SNRPB: variants seen among roughly 807,000 people sequenced by gnomAD.
SNRPB encodes small nuclear ribonucleoprotein polypeptides B and B1, also known as small nuclear ribonucleoprotein-associated proteins B and B'.
In SNRPB, 5 loss-of-function variants were observed where a neutral mutation model predicts 26.6. That is an observed-to-expected ratio of 0.19 (90% CI 0.10 to 0.39). The LOEUF (loss-of-function observed/expected upper bound fraction) is 0.39. Ranked by LOEUF, SNRPB falls within the 10% of genes least tolerant of loss-of-function variation. The pLI, the probability that SNRPB is intolerant of heterozygous loss-of-function variation, is 1.00. For missense variants in SNRPB, 211 were observed against 311.9 expected, an observed-to-expected ratio of 0.68 and a Z score of 2.44; for synonymous variants, 122 against 105.8, an observed-to-expected ratio of 1.15 and a Z score of -0.94.
In SNRPB at chr20:2,470,742, C is replaced by G. The variant is rs747222675; in HGVS notation, c.-52G>C. 1 of 1,598,384 alleles carries G rather than the reference C, an allele frequency of 6.3e-7. No homozygotes were observed. The highest frequency in any genetic ancestry group is 8.5e-7 in the Non-Finnish European group (1 of 1,172,336). On this transcript the variant is annotated 5_prime_UTR_variant, in exon 1 of 7. Transcript: ENST00000381342. ...CCGCCGGATTCGCCTCCTCAGAGGC[C>G]TAGCCTCTCTCCCACAGCCGATTTC... is the stretch of plus-strand genomic sequence containing the variant.
chr20:2,467,887 TC>T, intron 1 of SNRPB, 129 bp from the exon 2 acceptor site: 1 of 835,802 alleles, frequency 1.2e-6, no homozygotes, highest in Non-Finnish European at 1.9e-6. Flanking sequence ...TAGCTCAGTC[TC>T]CCACCCACAG....
chr20:2,468,743 T>C (rs1288292167), intron 1 of SNRPB, among the ~76,000 whole-genome samples: 1 of 152,188 alleles, frequency 6.6e-6, no homozygotes, highest in Non-Finnish European at 1.5e-5. Context: ...CTGGCTAACA[T>C]GGCGAAGCCC....
At chr20:2,469,486 G>C (rs1194080499) in intron 1 of SNRPB, among the ~76,000 whole-genome samples, 2 of 152,180 alleles carry the variant, frequency 1.3e-5, no homozygotes, top group Admixed American at 6.5e-5. Flanking sequence ...GAGGTCAGGA[G>C]TTCGAGACCA....
chr20:2,469,561 C>T (rs1347081669), intron 1 of SNRPB, among the ~76,000 whole-genome samples: 2 of 152,068 alleles, frequency 1.3e-5, no homozygotes, highest in African/African-American at 2.4e-5. Context: ...AGTGTGGTGG[C>T]GGGTACCTAC....
At chr20:2,467,458 C>A in intron 2 of SNRPB, 149 bp downstream of exon 2, 1 of 706,060 alleles carries the variant, frequency 1.4e-6, no homozygotes, top group East Asian at 2.7e-5. Context: ...GATTTCTTAG[C>A]GTTCAATGTC....
At chr20:2,466,383 C>A (rs1231565383) in intron 2 of SNRPB, among the ~76,000 whole-genome samples, 1 of 152,040 alleles carries the variant, frequency 6.6e-6, no homozygotes, top group Non-Finnish European at 1.5e-5. Context: ...AGCATAAAAA[C>A]AGAAACCCCC....
Position 2,461,684 on chromosome 20 carries a change from C to A in SNRPB, c.*245G>T. On this transcript the variant is annotated 3_prime_UTR_variant, in exon 7 of 7. Transcript: ENST00000381342. Reference sequence around the variant, plus strand: ...TTTATTATAAACCAGTTTCATAGGCCACAAGGAGATAAAAGGACTATGTAC... The same window carrying A: ...TTTATTATAAACCAGTTTCATAGGCAACAAGGAGATAAAAGGACTATGTAC... The A allele has an allele frequency of 9.4e-7, 1 of 1,059,662 alleles. No individual in the cohort carries two copies. The highest frequency in any genetic ancestry group is 1.4e-6 in the Non-Finnish European group (1 of 729,848). The allele number at this position is 1,059,662 out of a possible 1,614,324, so 65.6% of individuals were successfully genotyped here.
In SNRPB at chr20:2,463,187, G is replaced by A. The variant is rs780410112; in HGVS notation, c.461C>T (p.Ala154Val). ...GGCAATACTGGCTGTGGCAGCAGCT[G>A]CAGCGGCTGCAACAGTACCTCTTCC... ...PQGRGTVAAA[A>V]AAATASIAGA... Residue 154 changes from alanine (A) to valine (V), a missense_variant, in exon 5 of 7, where the codon GCA becomes GTA. By Grantham distance (64) the Ala-to-Val change is moderately conservative. Coordinates refer to ENST00000381342, the MANE Select transcript of SNRPB (RefSeq NM_003091.4). The surrounding 1 kb of genome is among the most constrained non-coding windows in gnomAD (Gnocchi z 5.0). 2 of 1,612,298 alleles carry A rather than the reference G, an allele frequency of 1.2e-6. No homozygotes were observed. The highest frequency in any genetic ancestry group is 1.1e-5 in the South Asian group (1 of 91,054).
intron 1 of SNRPB, among the ~76,000 whole-genome samples, chr20:2,470,069 G>C (rs2085102163): frequency 6.6e-6 from 1 of 152,178 alleles, no homozygotes; most frequent in Admixed American, 6.5e-5. Context: ...TATATTATGT[G>C]TCCCCAGCTA....
intron 6 of SNRPB, among the ~76,000 whole-genome samples, chr20:2,462,336 A>C (rs1464924457): frequency 6.6e-6 from 1 of 152,164 alleles, no homozygotes; most frequent in Non-Finnish European, 1.5e-5. Context: ...TGTCAAACCA[A>C]AGAGCATAAG....
intron 5 of SNRPB, 92 bp from the exon 6 acceptor site, chr20:2,462,853 A>G (rs2085045613): frequency 8.7e-7 from 1 of 1,143,686 alleles, no homozygotes; most frequent in Admixed American, 2.4e-5. Context: ...GTTCTGAGAT[A>G]GATGGACCAT....
chr20:2,463,242 G>A lies in SNRPB; in HGVS notation c.421-15C>T. 1 of 1,604,674 alleles carries A rather than the reference G, an allele frequency of 6.2e-7. No homozygotes were observed. Among genetic ancestry groups the A allele is most frequent in the Non-Finnish European group, 8.5e-7 (1 of 1,172,116 alleles). ...GGGGTCATCACCTAAGAGGACATAA[G>A]AAGAAAGAGTTAGAAGAGTACAGTA... On this transcript the variant is annotated splice_polypyrimidine_tract_variant and intron_variant, in intron 4 of 6. Coordinates refer to ENST00000381342, the MANE Select transcript of SNRPB (RefSeq NM_003091.4). The surrounding 1 kb of genome is among the most constrained non-coding windows in gnomAD (Gnocchi z 5.0).
At position 2,461,819 on chromosome 20, in the gene SNRPB, T is replaced by C. The variant is rs527578531; in HGVS notation, c.*110A>G. The C allele has an allele frequency of 5.0e-6, 8 of 1,613,834 alleles. No homozygotes were observed. The highest frequency in any genetic ancestry group is 6.8e-6 in the Non-Finnish European group (8 of 1,179,900). On this transcript the variant is annotated 3_prime_UTR_variant, in exon 7 of 7. Coordinates refer to ENST00000381342, the MANE Select transcript of SNRPB (RefSeq NM_003091.4). ...CTGTAAGGGAAACCAGACAATCCCA[T>C]GAGACTCCACGAACAACAGCATAAG...
In SNRPB at chr20:2,463,824, G is replaced by T. The variant is rs761373946; in HGVS notation, c.343C>A (p.Pro115Thr). ...GCCTGGGGCATGGGAACCCCAGCTG[G>T]GATTCCTCTGCCAGCAGCCCTGCCG... ...GIGRAAGRGI[P>T]AGVPMPQAPA... Residue 115 changes from proline to threonine, a missense_variant, in exon 4 of 7, where the codon CCA becomes ACA. Coordinates refer to ENST00000381342, the MANE Select transcript of SNRPB (RefSeq NM_003091.4). This position sits in a 1 kb window ranked among gnomAD's most constrained non-coding sequence, Gnocchi z 5.0. The T allele has an allele frequency of 2.5e-6, 4 of 1,613,316 alleles. No individual in the cohort carries two copies. In the East Asian group the frequency reaches 8.9e-5, roughly 36 times the overall value.
Position 2,463,184 on chromosome 20 carries a change from G to A in SNRPB, c.464C>T (p.Ala155Val), listed in dbSNP as rs756455021. Residue 155 changes from alanine to valine, a missense_variant, in exon 5 of 7, where the codon GCT becomes GTT. Ala to Val is a moderately conservative substitution (Grantham distance 64). Coordinates refer to ENST00000381342, the MANE Select transcript of SNRPB (RefSeq NM_003091.4). This position sits in a 1 kb window ranked among gnomAD's most constrained non-coding sequence, Gnocchi z 5.0. ...QGRGTVAAAAAAATASIAGAP... is the reference protein window; with the variant it reads ...QGRGTVAAAAVAATASIAGAP... ...CCCGGCAATACTGGCTGTGGCAGCA[G>A]CTGCAGCGGCTGCAACAGTACCTCT... 6.2e-7 allele frequency: 1 copy of A among 1,612,520 alleles called. No homozygotes were observed. The highest frequency in any genetic ancestry group is 8.5e-7 in the Non-Finnish European group (1 of 1,178,744).
rs1314117885 is a variant in SNRPB, at chr20:2,463,150, G to T, written c.498C>A (p.Thr166=). Residue 166 remains threonine (T), a synonymous_variant, in exon 5 of 7, where the codon ACC becomes ACA. Coordinates refer to ENST00000381342, the MANE Select transcript of SNRPB (RefSeq NM_003091.4). The surrounding 1 kb of genome is among the most constrained non-coding windows in gnomAD (Gnocchi z 5.0). ...GACCCCCACGGCCAGGTGGGTACTGGGTTGGAGCCCCGGCAATACTGGCTG... is the reference window on the plus strand; with the variant it reads ...GACCCCCACGGCCAGGTGGGTACTGTGTTGGAGCCCCGGCAATACTGGCTG... The part of the protein sequence containing the change: ...AATASIAGAP[T]QYPPGRGGPP... 8 of 1,612,516 alleles carry T rather than the reference G, an allele frequency of 5.0e-6. No individual in the cohort carries two copies. Among genetic ancestry groups the T allele is most frequent in the Non-Finnish European group, 5.9e-6 (7 of 1,178,974 alleles).
In SNRPB at chr20:2,467,675, G is replaced by T. The variant is rs2085083556; in HGVS notation, c.87C>A (p.Gly29=). ...TGTGCTTGTCAAAAGCCTTGAAGGTGCCAATGAAGATCCGGCCGTCCTGCA... is the reference window on the plus strand; with the variant it reads ...TGTGCTTGTCAAAAGCCTTGAAGGTTCCAATGAAGATCCGGCCGTCCTGCA... ...CILQDGRIFI[G]TFKAFDKHMN... The change falls in exon 2 of 7, where the codon GGC becomes GGA. Residue 29 remains glycine, a synonymous_variant. Coordinates refer to ENST00000381342, the MANE Select transcript of SNRPB (RefSeq NM_003091.4). 1 of 1,614,108 alleles carries T rather than the reference G, an allele frequency of 6.2e-7. No homozygotes were observed. Among genetic ancestry groups the T allele is most frequent in the African/African-American group, 1.3e-5 (1 of 75,040 alleles).
Position 2,463,021 on chromosome 20 carries a change from T to C in SNRPB, c.559+68A>G. On this transcript the variant is annotated intron_variant, in intron 5 of 6. Transcript: ENST00000381342. This position sits in a 1 kb window ranked among gnomAD's most constrained non-coding sequence, Gnocchi z 5.0. ...TCATCATCAGCTTCAGTCAAGGTTA[T>C]ATCTCATCATTAATCCAGCTAAGGC... 3 of 1,341,102 alleles carry C rather than the reference T, an allele frequency of 2.2e-6. No homozygotes were observed. The highest frequency in any genetic ancestry group is 1.0e-6 in the Non-Finnish European group (1 of 974,464). The allele number at this position is 1,341,102 out of a possible 1,614,324, so 83.1% of individuals were successfully genotyped here.
Position 2,465,793 on chromosome 20 carries a change from C to A in SNRPB, c.182G>T (p.Arg61Met), listed in dbSNP as rs1378977304. Residue 61 changes from arginine (R) to methionine (M), a missense_variant, in exon 3 of 7, where the codon AGG becomes ATG. Transcript: ENST00000381342. ...IKPKNSKQAEREEKRVLGLVL... is the reference protein window; with the variant it reads ...IKPKNSKQAEMEEKRVLGLVL... ...CAGACCGAGGACTCGCTTCTCTTCC[C>A]TTTCTGCTTGTTTGGAGTTCTTTGG... 6.2e-7 allele frequency: 1 copy of A among 1,613,706 alleles called. No homozygotes were observed. The highest frequency in any genetic ancestry group is 8.5e-7 in the Non-Finnish European group (1 of 1,179,946).
Sources: allele counts gnomAD v4.1 joint callset (sites outside exome capture counted in the v4.1 genomes callset), GRCh38; gene constraint gnomAD v4.1.1; non-coding constraint Gnocchi (gnomAD v3.1); transcripts MANE v1.5; gene names NCBI Gene and HGNC (gene_info 2026-07-23, HGNC 2026-07-21).